Variants in SPATA6L observed in about 807,000 individuals in gnomAD.
SPATA6L encodes the protein spermatogenesis associated 6-like protein.
SPATA6L carries 68 observed loss-of-function variants against 49.2 expected under a neutral mutation model. The ratio of observed to expected loss-of-function variants is 1.38; its 90% confidence interval spans 1.14 to 1.69. SPATA6L has a LOEUF of 1.69. SPATA6L is among the 40% of genes most tolerant of loss of function. The probability of loss-of-function intolerance (pLI) is 0.00; values close to 1 mark genes in which losing one functional copy is unlikely to be tolerated. For synonymous variants in SPATA6L, 198 were observed against 165.7 expected, an observed-to-expected ratio of 1.19 and a Z score of -1.50; for missense variants, 668 against 464.3, an observed-to-expected ratio of 1.44 and a Z score of -4.03.
chr9:4,606,988 G>C (rs1260494414), intron 9 of SPATA6L, among the ~76,000 whole-genome samples: 2 of 148,130 alleles, frequency 1.4e-5, no homozygotes, highest in Non-Finnish European at 1.5e-5. Context: ...CAAGAACTAC[G>C]TGAAGAATGC....
In SPATA6L at chr9:4,629,175, A is replaced by T; in HGVS notation, c.352-7T>A. ...CTATTTTGGGAGCAATGCCCTATAA[A>T]ACAGCATAAAAAAAGCAAATAAAAT... is the stretch of plus-strand genomic sequence containing the variant. On this transcript the variant is annotated splice_polypyrimidine_tract_variant and splice_region_variant and intron_variant, in intron 4 of 11. Transcript: ENST00000682582. The T allele has an allele frequency of 6.3e-7, 1 of 1,587,282 alleles. No homozygotes were observed. The highest frequency in any genetic ancestry group is 1.1e-5 in the South Asian group (1 of 87,316).
intron 13 of SPATA6L, among the ~76,000 whole-genome samples, chr9:4,589,415 C>T (rs1023582017): frequency 1.3e-5 from 2 of 152,200 alleles, no homozygotes; most frequent in African/African-American, 2.4e-5. Context: ...AATGAAGCTC[C>T]TACCACGTGG....
chr9:4,627,830 T>A (rs1411862979), intron 5 of SPATA6L: 2 of 1,288,386 alleles, frequency 1.6e-6, no homozygotes, highest in East Asian at 5.5e-5. Flanking sequence ...GCAGCACTAT[T>A]CACAATAGCC....
At chr9:4,659,342 A>G (rs1408044645) in intron 2 of SPATA6L, among the ~76,000 whole-genome samples, 1 of 152,186 alleles carries the variant, frequency 6.6e-6, no homozygotes, top group African/African-American at 2.4e-5. Flanking sequence ...AGGATACAAA[A>G]TCAATGTGCA....
downstream of SPATA6L, among the ~76,000 whole-genome samples, chr9:4,595,651 C>A (rs757173657): frequency 6.6e-6 from 1 of 152,178 alleles, no homozygotes. Context: ...ACCTGGTCTG[C>A]CTATTTTTTA....
chr9:4,606,422 T>C (rs1259780559), intron 9 of SPATA6L, among the ~76,000 whole-genome samples: 1 of 81,126 alleles, frequency 1.2e-5, no homozygotes, highest in Non-Finnish European at 2.5e-5. Flanking sequence ...AAGAGAGCAG[T>C]GGTTCTCCCA....
chr9:4,615,826 T>G (rs536680451), intron 9 of SPATA6L, among the ~76,000 whole-genome samples: 11 of 152,312 alleles, frequency 7.2e-5, no homozygotes, highest in African/African-American at 2.6e-4. Flanking sequence ...AAAAGCTTGC[T>G]GTACTGCTTT....
downstream of SPATA6L, chr9:4,596,494 C>T (rs1043010473): frequency 2.6e-5 from 4 of 152,302 alleles, no homozygotes; most frequent in Admixed American, 2.6e-4. Flanking sequence ...TGATGTTTAT[C>T]TCAGTTCAAA....
chr9:4,662,555 A>T lies in SPATA6L; in HGVS notation c.40-519T>A. ...ACCCCACCTGCGCCCGGCTCCGTGC[A>T]TCGGAGAGCCCAGTTCACCGCCGCG... On this transcript the variant is annotated intron_variant, in intron 1 of 11. Coordinates refer to ENST00000682582, the MANE Select transcript of SPATA6L (RefSeq NM_001353486.2). This position sits in a 1 kb window ranked among gnomAD's most constrained non-coding sequence, Gnocchi z 4.9. 2 of 1,578,974 alleles carry T rather than the reference A, an allele frequency of 1.3e-6. No homozygotes were observed. The highest frequency in any genetic ancestry group is 1.7e-6 in the Non-Finnish European group (2 of 1,171,620).
chr9:4,605,430 C>A lies in SPATA6L; in HGVS notation c.1006G>T (p.Gly336Cys), dbSNP rs367842706. Residue 336 changes from glycine to cysteine, a missense_variant, in exon 10 of 12, where the codon GGT becomes TGT. Gly to Cys is a radical substitution (Grantham distance 159). Coordinates refer to ENST00000682582, the MANE Select transcript of SPATA6L (RefSeq NM_001353486.2). ...ATATTCTTCCATGTGGACTGAGAAC[C>A]AGGATGGAACCTGCTCAACAGATGG... is the stretch of plus-strand genomic sequence containing the variant. ...QPLLRERFHP[G>C]SQSTWKNIHE... 1 of 1,613,636 alleles carries A rather than the reference C, an allele frequency of 6.2e-7. No homozygotes were observed. The highest frequency in any genetic ancestry group is 8.5e-7 in the Non-Finnish European group (1 of 1,179,716).
exon 14 of SPATA6L, chr9:4,588,852 T>G (rs1821722699): frequency 1.3e-5 from 2 of 152,224 alleles, no homozygotes; most frequent in Non-Finnish European, 2.9e-5. Flanking sequence ...AGGCCCTTTA[T>G]TAAAGCATAC....
intron 3 of SPATA6L, among the ~76,000 whole-genome samples, 197 bp from the exon 4 acceptor site, chr9:4,635,596 C>T (rs1289093263): frequency 6.6e-6 from 1 of 151,812 alleles, no homozygotes; most frequent in Non-Finnish European, 1.5e-5. Context: ...CTTCCAAAGT[C>T]ATAACAGAGA....
intron 11 of SPATA6L, among the ~76,000 whole-genome samples, chr9:4,601,878 C>G (rs1017647672): frequency 6.6e-6 from 1 of 152,172 alleles, no homozygotes; most frequent in African/African-American, 2.4e-5. Context: ...CCTGGACTCA[C>G]TGAGATGGAT....
chr9:4,604,887 T>C (rs1586950036), intron 10 of SPATA6L, among the ~76,000 whole-genome samples: 1 of 152,178 alleles, frequency 6.6e-6, no homozygotes, highest in Admixed American at 6.5e-5. Context: ...CCCATACCCC[T>C]GTAAAAGTCA....
chr9:4,612,546 T>C (rs553361836), intron 9 of SPATA6L, among the ~76,000 whole-genome samples: 10 of 152,320 alleles, frequency 6.6e-5, no homozygotes, highest in East Asian at 3.9e-4. Flanking sequence ...CCCTCTCCTG[T>C]AGAGGAGGTC....
At chr9:4,606,039 A>G (rs947328111) in intron 9 of SPATA6L, among the ~76,000 whole-genome samples, 2 of 151,082 alleles carry the variant, frequency 1.3e-5, no homozygotes, top group Non-Finnish European at 2.9e-5. Context: ...CGAGTCAAAG[A>G]AAGGGGTGAC....
intron 4 of SPATA6L, 28 bp downstream of exon 4, chr9:4,635,247 G>C (rs1054459861): frequency 2.0e-6 from 3 of 1,488,270 alleles, no homozygotes; most frequent in Non-Finnish European, 1.8e-6. Context: ...TCTCCTAATA[G>C]AAGCCCAGAT....
Position 4,622,420 on chromosome 9 carries a change from G to GA in SPATA6L, c.759dup (p.Pro254SerfsTer9), listed in dbSNP as rs745585211. On this transcript the variant is annotated frameshift_variant, in exon 7 of 12. Transcript: ENST00000682582. LOFTEE classifies it high-confidence loss of function. ...GAAACTCGAGTACCTCTTCTCGTTG[G>GA]AAACGGAAAGTCTGAAAACTTAGAT... The GA allele has an allele frequency of 6.2e-7, 1 of 1,610,648 alleles. No individual in the cohort carries two copies. Among genetic ancestry groups the GA allele is most frequent in the Admixed American group, 1.7e-5 (1 of 59,996 alleles).
chr9:4,613,201 C>G (rs1324649674), intron 9 of SPATA6L, among the ~76,000 whole-genome samples: 2 of 150,800 alleles, frequency 1.3e-5, no homozygotes, highest in East Asian at 3.9e-4. Context: ...GTACTCCAGC[C>G]TGGGTAACAT....
Sources: allele counts gnomAD v4.1 joint callset (sites outside exome capture counted in the v4.1 genomes callset), GRCh38; gene constraint gnomAD v4.1.1; non-coding constraint Gnocchi (gnomAD v3.1); transcripts MANE v1.5; gene names NCBI Gene and HGNC (gene_info 2026-07-23, HGNC 2026-07-21).